The following NCKAP5 variants were observed in gnomAD, a reference collection of about 807,000 sequenced individuals.
NCKAP5 encodes NCK associated protein 5, also known as nck-associated protein 5.
Under a neutral mutation model 167.0 loss-of-function variants are expected in NCKAP5, and 92 were observed. That is an observed-to-expected ratio of 0.55 (90% CI 0.47 to 0.66). The LOEUF (loss-of-function observed/expected upper bound fraction) is 0.66, where lower values mean the gene tolerates loss of function less well. Among genes scored for constraint, NCKAP5 ranks in the 30% least tolerant of loss-of-function variants. The probability of loss-of-function intolerance (pLI) is 0.00; values close to 1 mark genes in which losing one functional copy is unlikely to be tolerated. For synonymous variants in NCKAP5, 891 were observed against 877.4 expected (o/e 1.02, Z -0.27); for missense variants, 2,378 against 2,315.0 (o/e 1.03, Z -0.56).
At chr2:133,058,952 C>T (rs891282072) in intron 6 of NCKAP5, among the ~76,000 whole-genome samples, 2 of 152,166 alleles carry the variant, frequency 1.3e-5, no homozygotes, top group Admixed American at 6.5e-5. Context: ...CAACCACCAA[C>T]CTGATCAATC....
At chr2:133,380,241 T>C (rs1686424318) in intron 3 of NCKAP5, among the ~76,000 whole-genome samples, 1 of 152,220 alleles carries the variant, frequency 6.6e-6, no homozygotes, top group African/African-American at 2.4e-5. Flanking sequence ...CTATTAAATC[T>C]AAAAGGTAGA....
At chr2:133,485,842 C>T (rs543304956) in intron 3 of NCKAP5, among the ~76,000 whole-genome samples, 2 of 152,140 alleles carry the variant, frequency 1.3e-5, no homozygotes, top group African/African-American at 4.8e-5. Context: ...TTTCTTTACA[C>T]TGAGGCAACA....
chr2:133,030,221 C>T (rs1424798360), intron 6 of NCKAP5, among the ~76,000 whole-genome samples: 1 of 152,112 alleles, frequency 6.6e-6, no homozygotes, highest in Non-Finnish European at 1.5e-5. Context: ...TGGGAATGAC[C>T]TTGGGGGTCA....
intron 19 of NCKAP5, among the ~76,000 whole-genome samples, chr2:132,705,671 T>C (rs945490333): frequency 6.6e-6 from 1 of 151,278 alleles, no homozygotes; most frequent in African/African-American, 2.4e-5. Context: ...TGGGAGAAAA[T>C]GAAAAAAAAA....
chr2:132,936,658 G>T (rs1179301612), intron 8 of NCKAP5, among the ~76,000 whole-genome samples: 2 of 152,034 alleles, frequency 1.3e-5, no homozygotes, highest in Admixed American at 1.3e-4. Flanking sequence ...AAAAGAAACT[G>T]TTATCTGAGT....
chr2:132,975,784 A>AG (rs1412371300), intron 7 of NCKAP5, among the ~76,000 whole-genome samples: 1 of 151,762 alleles, frequency 6.6e-6, no homozygotes, highest in African/African-American at 2.4e-5. Flanking sequence ...TAAGAGTCAG[A>AG]GAAAAAAAAA....
intron 3 of NCKAP5, among the ~76,000 whole-genome samples, chr2:133,486,708 T>G (rs549498513): frequency 6.6e-6 from 1 of 152,318 alleles, no homozygotes; most frequent in South Asian, 2.1e-4. Context: ...AATATTTTTT[T>G]TCTCTCAGCA....
At chr2:133,038,484 G>A (rs558379558) in intron 6 of NCKAP5, among the ~76,000 whole-genome samples, 3 of 152,192 alleles carry the variant, frequency 2.0e-5, no homozygotes, top group African/African-American at 7.2e-5. Flanking sequence ...AGGGTATCAG[G>A]GCATTGGGAG....
intron 8 of NCKAP5, among the ~76,000 whole-genome samples, chr2:132,891,736 T>C (rs1692726122): frequency 6.6e-6 from 1 of 152,226 alleles, no homozygotes; most frequent in African/African-American, 2.4e-5. Context: ...GTCAGCTCGA[T>C]AATTTCCTTG....
At chr2:132,744,133 G>C (rs1195784099) in intron 16 of NCKAP5, among the ~76,000 whole-genome samples, 3 of 151,634 alleles carry the variant, frequency 2.0e-5, no homozygotes, top group Non-Finnish European at 3.0e-5. Context: ...CAAGTAGAGA[G>C]ACTATCACAA....
At chr2:133,273,973 CAAAAAA>C (rs397872263) in intron 4 of NCKAP5, among the ~76,000 whole-genome samples, 5 of 123,654 alleles carry the variant, frequency 4.0e-5, no homozygotes, top group African/African-American at 1.2e-4. Context: ...GTTTGTCTAC[CAAAAAA>C]AAAAAAAAAA....
intron 15 of NCKAP5, among the ~76,000 whole-genome samples, chr2:132,777,534 C>T (rs1362438921): frequency 6.6e-6 from 1 of 152,152 alleles, no homozygotes; most frequent in East Asian, 1.9e-4. Flanking sequence ...GATGTCAAAG[C>T]TCATTTGAAA....
chr2:133,462,744 T>C (rs1306002868), intron 3 of NCKAP5, among the ~76,000 whole-genome samples: 3 of 152,190 alleles, frequency 2.0e-5, no homozygotes, highest in Non-Finnish European at 2.9e-5. Context: ...AATAAGGAAC[T>C]TTGCAAATTC....
At chr2:133,376,367 A>G (rs530783834) in intron 3 of NCKAP5, among the ~76,000 whole-genome samples, 37 of 152,284 alleles carry the variant, frequency 2.4e-4, no homozygotes, top group African/African-American at 8.7e-4. Context: ...TCACACAAAC[A>G]AGGAATCTGG....
chr2:132,866,948 T>G (rs1690403785), intron 10 of NCKAP5, among the ~76,000 whole-genome samples: 1 of 152,134 alleles, frequency 6.6e-6, no homozygotes, highest in Admixed American at 6.6e-5. Flanking sequence ...AGGCACACAT[T>G]TCTGCAGAAC....
intron 3 of NCKAP5, among the ~76,000 whole-genome samples, chr2:133,517,055 C>T (rs538771961): frequency 2.6e-4 from 39 of 152,186 alleles, no homozygotes; most frequent in Non-Finnish European, 5.0e-4. Flanking sequence ...CCAAGACTTC[C>T]TCTGCTCTTC....
intron 6 of NCKAP5, among the ~76,000 whole-genome samples, chr2:133,019,221 T>C (rs1324778502): frequency 2.6e-5 from 4 of 152,234 alleles, no homozygotes; most frequent in African/African-American, 7.2e-5. Flanking sequence ...GCCTGGGAGA[T>C]AGGAGGCACT....
intron 3 of NCKAP5, among the ~76,000 whole-genome samples, chr2:133,409,308 GT>G (rs1171080487): frequency 6.6e-6 from 1 of 152,184 alleles, no homozygotes; most frequent in African/African-American, 2.4e-5. Context: ...TGTCCCTTTA[GT>G]GTCTCACCCA....
chr2:132,766,071 G>A (rs556554701), intron 16 of NCKAP5, among the ~76,000 whole-genome samples: 1 of 152,006 alleles, frequency 6.6e-6, no homozygotes, highest in East Asian at 2.0e-4. Flanking sequence ...CACGAGGTAA[G>A]GAGATCAAAA....
Sources: gnomAD v4.1 joint callset for allele counts (sites outside exome capture counted in the v4.1 genomes callset) on GRCh38, gnomAD v4.1.1 for gene constraint, MANE v1.5 for transcripts, NCBI Gene and HGNC (gene_info 2026-07-23, HGNC 2026-07-21) for gene names.